Variants in ATP1B3 observed in about 807,000 individuals in gnomAD.
ATP1B3 encodes ATPase Na+/K+ transporting subunit beta 3.
ATP1B3 carries 10 observed loss-of-function variants against 30.2 expected under a neutral mutation model. The observed-to-expected ratio is 0.33, with a 90% CI of 0.20 to 0.56. The LOEUF is 0.56. Ranked by LOEUF, ATP1B3 falls within the 20% of genes least tolerant of loss-of-function variation. The probability of loss-of-function intolerance (pLI) is 0.90; values close to 1 mark genes in which losing one functional copy is unlikely to be tolerated. For synonymous variants in ATP1B3, 113 were observed against 117.0 expected, an observed-to-expected ratio of 0.97 and a Z score of 0.22; for missense variants, 238 against 336.7, an observed-to-expected ratio of 0.71 and a Z score of 2.29.
chr3:141,880,748 G>A (rs1933706238), intron 1 of ATP1B3, among the ~76,000 whole-genome samples: 1 of 151,972 alleles, frequency 6.6e-6, no homozygotes, highest in African/African-American at 2.4e-5. Context: ...TTGTTACTTT[G>A]GCTCATAGTC....
intron 1 of ATP1B3, among the ~76,000 whole-genome samples, chr3:141,898,412 C>G (rs969952498): frequency 1.3e-5 from 2 of 152,002 alleles, no homozygotes; most frequent in Non-Finnish European, 2.9e-5. Context: ...ATAAAAAAGG[C>G]AGATAACCAA....
chr3:141,877,359 GC>G (rs1317695075), intron 1 of ATP1B3, among the ~76,000 whole-genome samples: 1 of 152,148 alleles, frequency 6.6e-6, no homozygotes, highest in African/African-American at 2.4e-5. Flanking sequence ...GCCAGACCCT[GC>G]CCCACTCCAG....
At chr3:141,903,359 G>T (rs1030668655) in intron 1 of ATP1B3, among the ~76,000 whole-genome samples, 2 of 152,080 alleles carry the variant, frequency 1.3e-5, no homozygotes, top group African/African-American at 2.4e-5. Context: ...TTTTGAACCA[G>T]AGTATGAATG....
chr3:141,880,677 G>A (rs1372109291), intron 1 of ATP1B3, among the ~76,000 whole-genome samples: 1 of 152,074 alleles, frequency 6.6e-6, no homozygotes, highest in African/African-American at 2.4e-5. Flanking sequence ...TTTAAAAAAA[G>A]TGTTGTTTCA....
intron 3 of ATP1B3, among the ~76,000 whole-genome samples, chr3:141,909,958 C>G (rs1161622253): frequency 1.3e-5 from 2 of 152,028 alleles, no homozygotes; most frequent in Admixed American, 6.6e-5. Flanking sequence ...TAGTCTGATT[C>G]TGGACACATT....
rs182503111 is a variant in ATP1B3 at position 141,906,727 on chromosome 3, A to T, written c.239-440A>T. Among the ~76,000 whole-genome samples the T allele has an allele frequency of 6.7e-4, 102 of 152,340 alleles. 1 individual carries two copies. Among genetic ancestry groups the T allele is most frequent in the African/African-American group, 2.3e-3 (96 of 41,590 alleles). On this transcript the variant is annotated intron_variant, in intron 2 of 6. Transcript: ENST00000286371. ...TAAAATGCATAGACCTTTTTCATTG[A>T]AAAGGAGTTAGCTGTCTTATGAATG...
intron 1 of ATP1B3, among the ~76,000 whole-genome samples, chr3:141,890,435 TG>T (rs1933928646): frequency 6.6e-6 from 1 of 151,468 alleles, no homozygotes; most frequent in East Asian, 1.9e-4. Context: ...CCCAAGTAGC[TG>T]GGATTACAGG....
chr3:141,902,128 T>G, intron 1 of ATP1B3: 1 of 1,289,674 alleles, frequency 7.8e-7, no homozygotes, highest in South Asian at 1.2e-5. Flanking sequence ...TTTCTTTTTC[T>G]GCAACAGGAT....
rs751147355 is a variant in ATP1B3, at chr3:141,907,292, GA to G, written c.346+19del. ...TCTAAAACGTGAGTATGTTTTCTTA[GA>G]GTAAGGTCAGAGATTTTAGTTATAG... On this transcript the variant is annotated intron_variant, in intron 3 of 6. Transcript: ENST00000286371. The G allele has an allele frequency of 1.1e-5, 17 of 1,588,004 alleles. No homozygotes were observed. In the African/African-American group the frequency reaches 2.2e-4, roughly 20 times the overall value.
chr3:141,906,423 G>C (rs950114502), intron 2 of ATP1B3, among the ~76,000 whole-genome samples: 1 of 152,150 alleles, frequency 6.6e-6, no homozygotes, highest in Non-Finnish European at 1.5e-5. Context: ...CAAGTGATCC[G>C]CCAGCCTCGG....
intron 2 of ATP1B3, among the ~76,000 whole-genome samples, chr3:141,904,362 G>A (rs1465103210): frequency 6.6e-6 from 1 of 151,538 alleles, no homozygotes; most frequent in Non-Finnish European, 1.5e-5. Flanking sequence ...TAAAAGCCAC[G>A]TTTGAAGAAT....
chr3:141,881,435 A>G (rs1428408534), intron 1 of ATP1B3, among the ~76,000 whole-genome samples: 1 of 152,136 alleles, frequency 6.6e-6, no homozygotes, highest in South Asian at 2.1e-4. Flanking sequence ...TTCTTTTACT[A>G]TAGTTCCATG....
chr3:141,924,207 G>A lies in ATP1B3; in HGVS notation c.670-1324G>A, dbSNP rs151045589. On this transcript the variant is annotated intron_variant, in intron 6 of 6. Coordinates refer to ENST00000286371, the MANE Select transcript of ATP1B3 (RefSeq NM_001679.4). ...AAAAATACAAAAATTAGCTGACCGT[G>A]GTGGCACACTCCTGTAATCCCAGCT... is the stretch of plus-strand genomic sequence containing the variant. Among the ~76,000 whole-genome samples, 366 of 151,994 alleles carry A rather than the reference G, an allele frequency of 2.4e-3. 2 individuals carry two copies. Among genetic ancestry groups the A allele is most frequent in the African/African-American group, 8.5e-3 (354 of 41,452 alleles).
chr3:141,889,068 CA>C (rs1933886282), intron 1 of ATP1B3, among the ~76,000 whole-genome samples: 1 of 142,148 alleles, frequency 7.0e-6, no homozygotes, highest in Non-Finnish European at 1.6e-5. Context: ...TACATGGTGG[CA>C]GGAGAGAGAG....
chr3:141,924,405 G>A (rs912436402), intron 6 of ATP1B3, among the ~76,000 whole-genome samples: 5 of 151,144 alleles, frequency 3.3e-5, no homozygotes, highest in East Asian at 1.9e-4. Flanking sequence ...TTGGGAGGCC[G>A]AGGTAGGTGG....
At chr3:141,882,739 A>ATG (rs1195913815) in intron 1 of ATP1B3, among the ~76,000 whole-genome samples, 1 of 152,128 alleles carries the variant, frequency 6.6e-6, no homozygotes, top group Non-Finnish European at 1.5e-5. Context: ...ATGCGCTACC[A>ATG]TGCCTAGCTA....
At chr3:141,885,439 CTTTTCTTT>C (rs201673248) in intron 1 of ATP1B3, among the ~76,000 whole-genome samples, 3,332 of 151,934 alleles carry the variant, frequency 0.022, 127 homozygotes, top group African/African-American at 0.076. Flanking sequence ...TTTTTCTTTT[CTTTTCTTT>C]TTTTCTTTTT....
rs972468636 is a variant in ATP1B3, at chr3:141,881,160, G to A, written c.109+4250G>A. Among the ~76,000 whole-genome samples the A allele has an allele frequency of 2.0e-5, 3 of 146,944 alleles. No individual in the cohort carries two copies. In the Admixed American group the frequency reaches 2.1e-4, roughly 10 times the overall value. On this transcript the variant is annotated intron_variant, in intron 1 of 6. Coordinates refer to ENST00000286371, the MANE Select transcript of ATP1B3 (RefSeq NM_001679.4). ...GGAGGTTACAGTGAGCCAAGATCGCGCCACTGCACTCCAGCCTGAGCGACA... is the reference window on the plus strand; with the variant it reads ...GGAGGTTACAGTGAGCCAAGATCGCACCACTGCACTCCAGCCTGAGCGACA...
intron 1 of ATP1B3, among the ~76,000 whole-genome samples, chr3:141,890,235 A>C (rs1301576251): frequency 7.4e-6 from 1 of 134,510 alleles, no homozygotes; most frequent in African/African-American, 2.8e-5. Context: ...TGTGTATGCC[A>C]CCACACCTGG....
Sources: allele counts gnomAD v4.1 joint callset (sites outside exome capture counted in the v4.1 genomes callset), GRCh38; gene constraint gnomAD v4.1.1; transcripts MANE v1.5; gene names NCBI Gene and HGNC (gene_info 2026-07-23, HGNC 2026-07-21).